MYH2: variants seen among roughly 807,000 people sequenced by gnomAD.
MYH2 encodes the protein myosin-2.
A neutral mutation model predicts 228.1 loss-of-function variants in MYH2; 139 were observed. The ratio of observed to expected loss-of-function variants is 0.61; its 90% CI spans 0.53 to 0.70. MYH2 has a LOEUF of 0.70. MYH2 is among the 30% of genes least tolerant of loss of function. The pLI, the probability that MYH2 is intolerant of heterozygous loss-of-function variation, is 0.00. For missense variants in MYH2, 1,809 were observed against 2,357.5 expected, an observed-to-expected ratio of 0.77 and a Z score of 4.82; for synonymous variants, 796 against 871.1, an observed-to-expected ratio of 0.91 and a Z score of 1.52.
Position 10,529,849 on chromosome 17 carries a change from G to T in MYH2, c.2923C>A (p.His975Asn), listed in dbSNP as rs754311300. ...ATTGATACCTTGTTTTCTGTGGCAT[G>T]TTTCTCCTTCTCAACCTTGGCCAGT... ...LTLAKVEKEK[H>N]ATENKVKNLT... The change falls in exon 23 of 40, where the codon CAT (histidine) becomes AAT (asparagine). Residue 975 changes from histidine (H) to asparagine (N), a missense_variant. By Grantham distance (68) the His-to-Asn change is moderately conservative (BLOSUM62 1). Coordinates refer to ENST00000245503, the MANE Select transcript of MYH2 (RefSeq NM_017534.6). 1 of 1,613,896 alleles carries T rather than the reference G, an allele frequency of 6.2e-7. No individual in the cohort carries two copies. Among genetic ancestry groups the T allele is most frequent in the Non-Finnish European group, 8.5e-7 (1 of 1,179,972 alleles).
rs2073401167 is a variant in MYH2 at position 10,529,680 on chromosome 17, C to T, written c.3001G>A (p.Glu1001Lys). The T allele has an allele frequency of 6.2e-7, 1 of 1,613,814 alleles. No individual in the cohort carries two copies. The highest frequency in any genetic ancestry group is 8.5e-7 in the Non-Finnish European group (1 of 1,180,016). Reference protein sequence around the residue: ...LDETIAKLTKEKKALQEAHQQ... With the variant: ...LDETIAKLTKKKKALQEAHQQ... Reference sequence around the variant, plus strand: ...TGGGCCTCCTGGAGAGCCTTCTTCTCCTTGGTCAGCTTAGCAATGGTTTCA... The same window carrying T: ...TGGGCCTCCTGGAGAGCCTTCTTCTTCTTGGTCAGCTTAGCAATGGTTTCA... The change falls in exon 24 of 40, where the codon GAG becomes AAG. Residue 1001 changes from glutamate to lysine, a missense_variant. By Grantham distance (56) the Glu-to-Lys change is moderately conservative. Around this residue, in one of 9 missense-constraint regions of MYH2, gnomAD observed 636 missense variants for 729.9 expected, o/e 0.87. Transcript: ENST00000245503.
At position 10,526,472 on chromosome 17, in the gene MYH2, T is replaced by C. The variant is rs2073355044; in HGVS notation, c.4187+127A>G. On this transcript the variant is annotated intron_variant, in intron 30 of 39. Transcript: ENST00000245503. ...TTCATGTCTTATTCTCAGGGCCTGA[T>C]TGTGACTGGCACATAAAAGCAGATT... 6 of 1,452,548 alleles carry C rather than the reference T, an allele frequency of 4.1e-6. No individual in the cohort carries two copies. The East Asian group carries it at 6.8e-5, about 17-fold the overall frequency. 90.0% of individuals were successfully genotyped at this position (1,452,548 alleles called of 1,614,324 possible). A position where few individuals can be genotyped will look rare whatever the true frequency, so the allele number is the denominator to read the frequency against.
At position 10,523,770 on chromosome 17, in the gene MYH2, CCTT is replaced by C. The variant is rs1344833303; in HGVS notation, c.5287_5289del (p.Lys1763del). On this transcript the variant is annotated inframe_deletion, in exon 36 of 40. Transcript: ENST00000245503. Reference sequence around the variant, plus strand: ...TGCCTGCCACTCACATCAGTGATGGCCTTCTTGGCCTTTTCTTCTGCATTGCGG... The same window carrying C: ...TGCCTGCCACTCACATCAGTGATGGCCTTGGCCTTTTCTTCTGCATTGCGG... 40 of 1,614,026 alleles carry C rather than the reference CCTT, an allele frequency of 2.5e-5. No individual in the cohort carries two copies. The highest frequency in any genetic ancestry group is 3.4e-5 in the Non-Finnish European group (40 of 1,180,042).
At chr17:10,529,306 C>G (rs548292683) in intron 25 of MYH2, 30 bp downstream of exon 25, 1 of 1,613,970 alleles carries the variant, frequency 6.2e-7, no homozygotes, top group East Asian at 2.2e-5. Flanking sequence ...ATGTTGGAAG[C>G]AAATCCATAA....
At position 10,536,546 on chromosome 17, in the gene MYH2, A is replaced by G. The variant is rs1452856320; in HGVS notation, c.1958T>C (p.Val653Ala). 3.7e-6 allele frequency: 6 copies of G among 1,613,888 alleles called. No individual in the cohort carries two copies. In the Admixed American group the frequency reaches 1.0e-4, roughly 27 times the overall value. ...GKKKGSSFQTVSALFRENLNK... is the reference protein window; with the variant it reads ...GKKKGSSFQTASALFRENLNK... Reference sequence around the variant, plus strand: ...CTTCCTTACTCTGAAAAGGGCAGACACTGTCTGGAAAGAAGAGCCCTTCTT... The same window carrying G: ...CTTCCTTACTCTGAAAAGGGCAGACGCTGTCTGGAAAGAAGAGCCCTTCTT... The change falls in exon 17 of 40, where the codon GTG becomes GCG. Residue 653 changes from valine (V) to alanine (A), a missense_variant. This residue lies in a region of MYH2 where 276 missense variants were observed against 344.2 expected (regional missense o/e 0.80). Transcript: ENST00000245503.
At position 10,537,585 on chromosome 17, in the gene MYH2, T is replaced by C. The variant is rs2073497561; in HGVS notation, c.1588-43A>G. 1 of 1,613,926 alleles carries C rather than the reference T, an allele frequency of 6.2e-7. No individual in the cohort carries two copies. Among genetic ancestry groups the C allele is most frequent in the African/African-American group, 1.3e-5 (1 of 74,876 alleles). On this transcript the variant is annotated intron_variant, in intron 15 of 39. Transcript: ENST00000245503. This position sits in a 1 kb window ranked among gnomAD's most constrained non-coding sequence, Gnocchi z 4.0. The stretch of plus-strand genomic sequence containing the variant: ...ACACAAAATTGTACTTCTATTTTTT[T>C]TTCTGTCTATAGAATTAAAATAAAA...
intron 10 of MYH2, 89 bp downstream of exon 10, chr17:10,542,786 A>G (rs981194595): frequency 4.8e-6 from 4 of 827,242 alleles, no homozygotes; most frequent in Admixed American, 5.9e-5. Context: ...CATAAACTTG[A>G]CAAAATTCAG....
Position 10,539,352 on chromosome 17 carries a change from C to T in MYH2, c.1269G>A (p.Val423=). 1 of 1,614,148 alleles carries T rather than the reference C, an allele frequency of 6.2e-7. No homozygotes were observed. Among genetic ancestry groups the T allele is most frequent in the Non-Finnish European group, 8.5e-7 (1 of 1,180,028 alleles). The part of the protein sequence containing the change: ...YVTKGQTVEQ[V]SNAVGALAKA... The stretch of plus-strand genomic sequence containing the variant: ...TGGCCAGAGCACCTACTGCGTTGGA[C>T]ACCTTAAAAGACAAAATTATAACTC... Residue 423 remains valine, a splice_region_variant and synonymous_variant, in exon 14 of 40, where the codon GTG becomes GTA. Transcript: ENST00000245503.
intron 10 of MYH2, among the ~76,000 whole-genome samples, chr17:10,542,479 A>T (rs564379983): frequency 6.6e-6 from 1 of 152,348 alleles, no homozygotes; most frequent in Admixed American, 6.5e-5. Flanking sequence ...GTGGAGCTAT[A>T]TTTAGTGACA....
intron 10 of MYH2, among the ~76,000 whole-genome samples, chr17:10,541,078 T>G (rs969763755): frequency 6.6e-6 from 1 of 152,186 alleles, no homozygotes; most frequent in Admixed American, 6.5e-5. Context: ...CTGTGATGAC[T>G]GCGTTAACTG....
At chr17:10,527,661 T>G in intron 28 of MYH2, 87 bp downstream of exon 28, 3 of 1,598,668 alleles carry the variant, frequency 1.9e-6, no homozygotes, top group Non-Finnish European at 1.7e-6. Context: ...TCAGCTGTTT[T>G]ATTAGGCTCC....
chr17:10,524,810 G>A lies in MYH2; in HGVS notation c.4918C>T (p.Arg1640Cys), dbSNP rs375371672. 4.0e-5 allele frequency: 64 copies of A among 1,613,984 alleles called. No homozygotes were observed. The highest frequency in any genetic ancestry group is 1.6e-4 in the Middle Eastern group (1 of 6,084). ...EMEIQLNHAN[R>C]MAAEALRNYR... is the part of the protein sequence containing the mutation. ...TTCCTCAGGGCCTCAGCAGCCATGCGGTTGGCATGGTTCAGCTGGATTTCC... is the reference window on the plus strand; with the variant it reads ...TTCCTCAGGGCCTCAGCAGCCATGCAGTTGGCATGGTTCAGCTGGATTTCC... The change falls in exon 34 of 40, where the codon CGC (arginine) becomes TGC (cysteine). Residue 1640 changes from arginine (R) to cysteine (C), a missense_variant. By Grantham distance (180) the Arg-to-Cys change is radical. This residue lies in a region of MYH2 where 75 missense variants were observed against 131.2 expected (regional missense o/e 0.57). Transcript: ENST00000245503. This position sits in a 1 kb window ranked among gnomAD's most constrained non-coding sequence, Gnocchi z 4.7.
Position 10,543,995 on chromosome 17 carries a change from C to A in MYH2, c.555G>T (p.Lys185Asn). ...ILITGESGAG[K>N]TVNTKRVIQY... Reference sequence around the variant, plus strand: ...GGATGACACGCTTGGTGTTCACAGTCTTCCCTGCACCAGATTCTCCACTGT... The same window carrying A: ...GGATGACACGCTTGGTGTTCACAGTATTCCCTGCACCAGATTCTCCACTGT... The change falls in exon 7 of 40, where the codon AAG becomes AAT. Residue 185 changes from lysine (K) to asparagine (N), a missense_variant. Physicochemically the swap from Lys to Asn is moderately conservative, Grantham distance 94 (BLOSUM62 0). Coordinates refer to ENST00000245503, the MANE Select transcript of MYH2 (RefSeq NM_017534.6). 1.2e-6 allele frequency: 2 copies of A among 1,614,214 alleles called. No homozygotes were observed. The highest frequency in any genetic ancestry group is 1.7e-6 in the Non-Finnish European group (2 of 1,180,034).
chr17:10,540,116 A>C (rs1229390155), intron 11 of MYH2, 50 bp from the exon 12 acceptor site: 1 of 1,609,150 alleles, frequency 6.2e-7, no homozygotes, highest in Non-Finnish European at 8.5e-7. Flanking sequence ...CCACACGCTT[A>C]CTGTTAATAC....
In MYH2 at chr17:10,537,031, C is replaced by A. The variant is rs1381541426; in HGVS notation, c.1897+202G>T. 6.6e-6 allele frequency among the ~76,000 whole-genome samples: 1 copy of A among 152,154 alleles called. No homozygotes were observed. The highest frequency in any genetic ancestry group is 1.5e-5 in the Non-Finnish European group (1 of 68,020). On this transcript the variant is annotated intron_variant, in intron 16 of 39. Coordinates refer to ENST00000245503, the MANE Select transcript of MYH2 (RefSeq NM_017534.6). This position sits in a 1 kb window ranked among gnomAD's most constrained non-coding sequence, Gnocchi z 4.0. Reference sequence around the variant, plus strand: ...TTTCATTGGTTGAGAGCCTGATAATCCTCTCTGACTCTGCAATAGGGCTCC... The same window carrying A: ...TTTCATTGGTTGAGAGCCTGATAATACTCTCTGACTCTGCAATAGGGCTCC...
At chr17:10,535,619 A>T (rs1264503978) in intron 17 of MYH2, among the ~76,000 whole-genome samples, 2 of 152,204 alleles carry the variant, frequency 1.3e-5, no homozygotes, top group Admixed American at 6.5e-5. Context: ...GTTTATGCCA[A>T]CACCATCCTT....
intron 27 of MYH2, among the ~76,000 whole-genome samples, chr17:10,528,228 GA>G (rs1364784422): frequency 6.6e-6 from 1 of 151,882 alleles, no homozygotes; most frequent in Non-Finnish European, 1.5e-5. Flanking sequence ...TATATTTTAT[GA>G]AAGCTAATCA....
intron 10 of MYH2, 150 bp downstream of exon 10, chr17:10,542,725 A>C: frequency 1.8e-6 from 1 of 562,160 alleles, no homozygotes; most frequent in Non-Finnish European, 3.1e-6. Context: ...TCTAATGAGC[A>C]CATATAAATT....
At chr17:10,542,041 A>G (rs1379225828) in intron 10 of MYH2, among the ~76,000 whole-genome samples, 1 of 152,224 alleles carries the variant, frequency 6.6e-6, no homozygotes, top group African/African-American at 2.4e-5. Context: ...TGAGAGGCCA[A>G]GGTGGCCAGA....
Sources: gnomAD v4.1 joint callset for allele counts (sites outside exome capture counted in the v4.1 genomes callset) on GRCh38, gnomAD v4.1.1 for gene constraint, gnomAD v4.1.1 regional missense constraint, Gnocchi (gnomAD v3.1) non-coding constraint, MANE v1.5 for transcripts, NCBI Gene and HGNC (gene_info 2026-07-23, HGNC 2026-07-21) for gene names.